Variants in NT5C1B observed in about 807,000 individuals in gnomAD.
The protein encoded by NT5C1B is cytosolic 5'-nucleotidase 1B.
In NT5C1B, 44 loss-of-function variants were observed where a neutral mutation model predicts 57.8. The ratio of observed to expected loss-of-function variants is 0.76; its 90% CI spans 0.60 to 0.98. The LOEUF (loss-of-function observed/expected upper bound fraction) is 0.98. Ranked by LOEUF, NT5C1B falls within the 50% of genes least tolerant of loss-of-function variation. The pLI, the probability that NT5C1B is intolerant of heterozygous loss-of-function variation, is 0.00. For synonymous variants in NT5C1B, 284 were observed against 282.6 expected (o/e 1.00, Z -0.05); for missense variants, 742 against 719.5 (o/e 1.03, Z -0.36).
intron 8 of NT5C1B, among the ~76,000 whole-genome samples, chr2:18,569,833 C>G (rs1664990147): frequency 6.6e-6 from 1 of 151,918 alleles, no homozygotes; most frequent in East Asian, 1.9e-4. Context: ...ATAGAAAACC[C>G]AAGCAATATG....
chr2:18,589,426 T>A lies in NT5C1B; in HGVS notation c.30+13A>T, dbSNP rs778184521. ...GCCCCATGGCAAGATTCTAAGACAC[T>A]CGGTTCACTCACCTTTTTCTGTTTG... is the stretch of plus-strand genomic sequence containing the variant. On this transcript the variant is annotated intron_variant, in intron 1 of 8. Transcript: ENST00000304081. The A allele has an allele frequency of 6.2e-7, 1 of 1,614,108 alleles. No individual in the cohort carries two copies. Among genetic ancestry groups the A allele is most frequent in the Non-Finnish European group, 8.5e-7 (1 of 1,179,978 alleles).
intron 8 of NT5C1B, among the ~76,000 whole-genome samples, chr2:18,568,275 T>A (rs1664835073): frequency 6.6e-6 from 1 of 152,160 alleles, no homozygotes; most frequent in Non-Finnish European, 1.5e-5. Flanking sequence ...TGGAAGAGCA[T>A]CTTTAAAGTG....
chr2:18,582,785 T>A, intron 6 of NT5C1B, 83 bp downstream of exon 6: 2 of 1,547,828 alleles, frequency 1.3e-6, no homozygotes, highest in Non-Finnish European at 1.7e-6. Context: ...CTGCATTTGG[T>A]TAAGCCACAG....
chr2:18,586,578 C>G, intron 2 of NT5C1B, 187 bp from the exon 3 acceptor site: 2 of 914,426 alleles, frequency 2.2e-6, no homozygotes, highest in Admixed American at 6.0e-5. Flanking sequence ...GTCCTCACTT[C>G]TGTTTGGAGC....
chr2:18,569,478 G>C (rs931048444), intron 8 of NT5C1B, among the ~76,000 whole-genome samples: 7 of 151,914 alleles, frequency 4.6e-5, no homozygotes, highest in African/African-American at 1.7e-4. Context: ...AGCACCAACT[G>C]TAATATCTAT....
rs117298882 is a variant in NT5C1B, at chr2:18,584,925, A to G, written c.312T>C (p.His104=). 4,117 of 1,546,862 alleles carry G rather than the reference A, an allele frequency of 2.7e-3. 86 individuals are homozygous for G. In the East Asian group the frequency reaches 0.045, roughly 17 times the overall value. Reference sequence around the variant, plus strand: ...CGGACAGCGGCGGCGGTGAGGAGTCATGCAGGCTTGGGGAGGTGGATGGAG... The same window carrying G: ...CGGACAGCGGCGGCGGTGAGGAGTCGTGCAGGCTTGGGGAGGTGGATGGAG... The change falls in exon 4 of 9, where the codon CAT becomes CAC. Residue 104 remains histidine, a synonymous_variant. Transcript: ENST00000304081. This position sits in a 1 kb window ranked among gnomAD's most constrained non-coding sequence, Gnocchi z 5.8.
intron 8 of NT5C1B, among the ~76,000 whole-genome samples, chr2:18,569,348 C>A (rs1664943336): frequency 6.6e-6 from 1 of 151,884 alleles, no homozygotes; most frequent in Non-Finnish European, 1.5e-5. Context: ...ACAGTTGGAA[C>A]ACAGAAAAAA....
At chr2:18,574,849 CAAG>C (rs1337641720) in intron 8 of NT5C1B, among the ~76,000 whole-genome samples, 3 of 151,992 alleles carry the variant, frequency 2.0e-5, no homozygotes, top group African/African-American at 4.8e-5. Context: ...TTTTAAAAGA[CAAG>C]GAGAGTGCTG....
At chr2:18,569,640 T>C (rs1308545217) in intron 8 of NT5C1B, among the ~76,000 whole-genome samples, 2 of 152,054 alleles carry the variant, frequency 1.3e-5, no homozygotes, top group African/African-American at 4.8e-5. Context: ...AAGATATTAA[T>C]TAAGATTAAG....
intron 1 of NT5C1B, 126 bp from the exon 2 acceptor site, chr2:18,587,718 C>CCTG: frequency 9.6e-7 from 1 of 1,044,790 alleles, no homozygotes; most frequent in South Asian, 1.8e-5. Context: ...AAGGTATAAA[C>CCTG]TCTAGACCTT....
intron 6 of NT5C1B, among the ~76,000 whole-genome samples, chr2:18,580,726 A>C (rs114273205): frequency 6.6e-6 from 1 of 152,376 alleles, no homozygotes; most frequent in African/African-American, 2.4e-5. Flanking sequence ...GGATAAACAA[A>C]ATGTAGTGCA....
rs746059240 is a variant in NT5C1B at position 18,584,636 on chromosome 2, G to T, written c.601C>A (p.Arg201Ser). ...TGCTGCTGCTCGGACAGAGAGTTGC[G>T]GTCCAGCTGGGTGGAGGCGGGGTAG... Residue 201 changes from arginine (R) to serine (S), a missense_variant, in exon 4 of 9, where the codon CGC becomes AGC. By Grantham distance (110) the Arg-to-Ser change is moderately radical (BLOSUM62 -1). Transcript: ENST00000304081. This position sits in a 1 kb window ranked among gnomAD's most constrained non-coding sequence, Gnocchi z 5.8. 3.7e-6 allele frequency: 6 copies of T among 1,612,814 alleles called. No homozygotes were observed. The South Asian group carries it at 6.6e-5, about 18-fold the overall frequency.
chr2:18,585,510 G>A (rs1333655963), intron 3 of NT5C1B, among the ~76,000 whole-genome samples: 1 of 152,160 alleles, frequency 6.6e-6, no homozygotes, highest in African/African-American at 2.4e-5. Context: ...TGATGGCTGG[G>A]AAAGTCTCTT....
intron 1 of NT5C1B, among the ~76,000 whole-genome samples, chr2:18,588,476 A>G (rs1666924766): frequency 6.6e-6 from 1 of 152,232 alleles, no homozygotes; most frequent in African/African-American, 2.4e-5. Context: ...TGTTAGTTGC[A>G]TGAGAGAATG....
rs575659223 is a variant in NT5C1B, at chr2:18,563,972, G to A, written c.1477C>T (p.Arg493Ter). ...TCGTCTATCTCTAGACCCCAGCGTC[G>A]AAGGGTCTTCAGCACACGGGCGCCT... is the stretch of plus-strand genomic sequence containing the variant. The change falls in exon 9 of 9, where the codon CGA (arginine) becomes TGA (stop). Residue 493 changes from arginine to a stop codon, truncating the protein, a stop_gained. Transcript: ENST00000304081. LOFTEE classifies it high-confidence loss of function. 5.9e-5 allele frequency: 96 copies of A among 1,614,168 alleles called. No individual in the cohort carries two copies. The East Asian group carries it at 1.8e-3, about 30-fold the overall frequency.
chr2:18,571,110 G>C (rs1029443472), intron 8 of NT5C1B, among the ~76,000 whole-genome samples: 1 of 152,192 alleles, frequency 6.6e-6, no homozygotes, highest in East Asian at 1.9e-4. Flanking sequence ...GTCCCTCTAA[G>C]ATCTGGGTAT....
intron 2 of NT5C1B, chr2:18,587,216 C>G: frequency 6.4e-7 from 1 of 1,570,840 alleles, no homozygotes; most frequent in Non-Finnish European, 8.6e-7. Context: ...TGGCCAGACC[C>G]CCTCCCCTCC....
intron 6 of NT5C1B, among the ~76,000 whole-genome samples, chr2:18,577,999 T>C (rs1351433145): frequency 6.6e-6 from 1 of 152,122 alleles, no homozygotes; most frequent in South Asian, 2.1e-4. Flanking sequence ...GACACCTCTA[T>C]GCATAGAAAC....
At chr2:18,566,140 T>C (rs1664620673) in intron 8 of NT5C1B, among the ~76,000 whole-genome samples, 1 of 152,166 alleles carries the variant, frequency 6.6e-6, no homozygotes, top group Non-Finnish European at 1.5e-5. Flanking sequence ...TGTTATTAGA[T>C]TTTTTTCTTT....
Sources: gnomAD v4.1 joint callset for allele counts (sites outside exome capture counted in the v4.1 genomes callset) on GRCh38, gnomAD v4.1.1 for gene constraint, Gnocchi (gnomAD v3.1) non-coding constraint, MANE v1.5 for transcripts, NCBI Gene and HGNC (gene_info 2026-07-23, HGNC 2026-07-21) for gene names.